Variants in CSMD3 observed in about 807,000 individuals in gnomAD.
The protein encoded by CSMD3 is CUB and sushi domain-containing protein 3.
A neutral mutation model predicts 435.2 loss-of-function variants in CSMD3; 177 were observed. That is an observed-to-expected ratio of 0.41 (90% CI 0.36 to 0.46). The LOEUF is 0.46. Ranked by LOEUF, CSMD3 falls within the 20% of genes least tolerant of loss-of-function variation. The probability of loss-of-function intolerance (pLI) is 0.34; values close to 1 mark genes in which losing one functional copy is unlikely to be tolerated. For missense variants in CSMD3, 4,265 were observed against 4,504.6 expected (o/e 0.95, Z 1.52); for synonymous variants, 1,656 against 1,520.5 (o/e 1.09, Z -2.07).
chr8:113,120,720 T>C (rs191212819), intron 4 of CSMD3, among the ~76,000 whole-genome samples: 1 of 152,288 alleles, frequency 6.6e-6, no homozygotes, highest in Non-Finnish European at 1.5e-5. Flanking sequence ...CTCTGAAATC[T>C]TGCCACTGAG....
intron 6 of CSMD3, among the ~76,000 whole-genome samples, chr8:113,005,533 T>C (rs1036763380): frequency 2.6e-5 from 4 of 151,946 alleles, no homozygotes; most frequent in African/African-American, 9.7e-5. Context: ...TTTTGTCATC[T>C]GTAAGTAATT....
At chr8:112,793,767 G>A (rs545106862) in intron 13 of CSMD3, among the ~76,000 whole-genome samples, 2 of 152,258 alleles carry the variant, frequency 1.3e-5, no homozygotes, top group South Asian at 4.1e-4. Context: ...GGCTGCCTTT[G>A]ATTGGCCAGA....
intron 59 of CSMD3, among the ~76,000 whole-genome samples, chr8:112,276,256 A>C (rs1159683368): frequency 6.6e-6 from 1 of 152,200 alleles, no homozygotes; most frequent in African/African-American, 2.4e-5. Context: ...CATCTTGGGC[A>C]GCTCCACCCC....
At chr8:112,730,745 T>G (rs1322720724) in intron 13 of CSMD3, among the ~76,000 whole-genome samples, 5 of 152,110 alleles carry the variant, frequency 3.3e-5, no homozygotes, top group African/African-American at 1.2e-4. Context: ...TTTTTTGTTT[T>G]CCTTGTCATG....
At chr8:112,613,694 A>G (rs1833441146) in intron 22 of CSMD3, among the ~76,000 whole-genome samples, 2 of 152,152 alleles carry the variant, frequency 1.3e-5, no homozygotes. Context: ...TTGAGCATCT[A>G]CTATGTACCA....
intron 3 of CSMD3, among the ~76,000 whole-genome samples, chr8:113,197,519 CA>C (rs140060839): frequency 1.4e-3 from 210 of 151,124 alleles, no homozygotes; most frequent in African/African-American, 4.9e-3. Context: ...TATTTGGTGC[CA>C]AATCTTATAT....
At chr8:113,292,761 GC>G (rs1372271619) in intron 2 of CSMD3, among the ~76,000 whole-genome samples, 3 of 151,654 alleles carry the variant, frequency 2.0e-5, no homozygotes, top group African/African-American at 7.3e-5. Context: ...TTAGGTTGAT[GC>G]AAAAGTAATT....
intron 10 of CSMD3, among the ~76,000 whole-genome samples, chr8:112,875,062 T>C (rs898157385): frequency 2.0e-5 from 3 of 152,196 alleles, no homozygotes; most frequent in Admixed American, 2.0e-4. Flanking sequence ...GTACTGGTTT[T>C]TCCTTTCCAC....
intron 3 of CSMD3, 31 bp from the exon 4 acceptor site, chr8:113,173,947 A>T (rs2131892664): frequency 6.7e-7 from 1 of 1,484,936 alleles, no homozygotes; most frequent in Non-Finnish European, 9.4e-7. Flanking sequence ...GAGAGTTTAC[A>T]GTTATTTCAA....
intron 1 of CSMD3, among the ~76,000 whole-genome samples, chr8:113,395,673 G>A (rs1164466224): frequency 6.6e-6 from 1 of 150,866 alleles, no homozygotes; most frequent in Admixed American, 6.6e-5. Flanking sequence ...ATGAAGGAAA[G>A]TATTTTATTG....
chr8:112,361,381 G>T (rs757764329), intron 38 of CSMD3, among the ~76,000 whole-genome samples: 1 of 151,304 alleles, frequency 6.6e-6, no homozygotes, highest in Non-Finnish European at 1.5e-5. Context: ...AGTTACCCTG[G>T]CTGAAAATAT....
chr8:112,349,860 T>G (rs551831770), intron 40 of CSMD3, among the ~76,000 whole-genome samples: 1 of 152,324 alleles, frequency 6.6e-6, no homozygotes, highest in Admixed American at 6.5e-5. Flanking sequence ...ACGCAGATGT[T>G]GTGGACTTAA....
chr8:112,728,483 A>G (rs2077011057), intron 13 of CSMD3, among the ~76,000 whole-genome samples: 2 of 152,040 alleles, frequency 1.3e-5, no homozygotes, highest in African/African-American at 4.8e-5. Flanking sequence ...TTTGAGAACG[A>G]AGACTGTTAA....
At chr8:113,206,379 G>A (rs1039586751) in intron 3 of CSMD3, among the ~76,000 whole-genome samples, 2 of 152,092 alleles carry the variant, frequency 1.3e-5, no homozygotes, top group African/African-American at 4.8e-5. Flanking sequence ...AATCAATGAT[G>A]AAGTAACCAA....
intron 1 of CSMD3, among the ~76,000 whole-genome samples, chr8:113,369,185 T>C (rs1388175302): frequency 1.3e-5 from 2 of 151,908 alleles, no homozygotes; most frequent in Non-Finnish European, 2.9e-5. Flanking sequence ...GAAAATAATT[T>C]CACCCACATT....
At chr8:112,379,565 G>T (rs1018477216) in intron 38 of CSMD3, among the ~76,000 whole-genome samples, 2 of 152,040 alleles carry the variant, frequency 1.3e-5, no homozygotes, top group African/African-American at 4.8e-5. Flanking sequence ...TTTATGGATT[G>T]GAATATTTAA....
chr8:113,148,943 A>G (rs189030567), intron 4 of CSMD3, among the ~76,000 whole-genome samples: 6 of 151,872 alleles, frequency 4.0e-5, no homozygotes, highest in African/African-American at 1.2e-4. Flanking sequence ...TTATGCACAC[A>G]CATACATATA....
intron 22 of CSMD3, among the ~76,000 whole-genome samples, chr8:112,604,137 G>A (rs1464311047): frequency 2.0e-5 from 3 of 152,080 alleles, no homozygotes; most frequent in African/African-American, 7.2e-5. Flanking sequence ...CATTTTTTCA[G>A]TTGGAAGGTA....
chr8:112,549,164 A>G (rs1432663765), intron 27 of CSMD3, among the ~76,000 whole-genome samples: 2 of 152,076 alleles, frequency 1.3e-5, no homozygotes, highest in Non-Finnish European at 2.9e-5. Flanking sequence ...TTACTAATCT[A>G]AAGTAAAAGC....
Sources: allele counts gnomAD v4.1 joint callset (sites outside exome capture counted in the v4.1 genomes callset), GRCh38; gene constraint gnomAD v4.1.1; transcripts MANE v1.5; gene names NCBI Gene and HGNC (gene_info 2026-07-23, HGNC 2026-07-21).